The following ZFPM2 variants were observed in gnomAD, a reference collection of about 807,000 sequenced individuals.
The protein encoded by ZFPM2 is zinc finger protein, FOG family member 2.
Under a neutral mutation model 98.6 loss-of-function variants are expected in ZFPM2, and 20 were observed. The observed-to-expected ratio is 0.20, with a 90% CI of 0.14 to 0.29. ZFPM2 has a LOEUF of 0.29. Among genes scored for constraint, ZFPM2 ranks in the 10% least tolerant of loss-of-function variants. The pLI is 1.00. For missense variants in ZFPM2, 1,310 were observed against 1,388.6 expected (o/e 0.94, Z 0.90); for synonymous variants, 518 against 502.7 (o/e 1.03, Z -0.41).
At chr8:105,710,854 TA>T (rs1331900934) in intron 5 of ZFPM2, among the ~76,000 whole-genome samples, 2 of 152,152 alleles carry the variant, frequency 1.3e-5, no homozygotes, top group African/African-American at 4.8e-5. Context: ...GTGGTTCTAA[TA>T]ATAGTAACTT....
At chr8:105,778,483 TGCATGC>T in intron 5 of ZFPM2, among the ~76,000 whole-genome samples, 1 of 149,116 alleles carries the variant, frequency 6.7e-6, no homozygotes, top group South Asian at 2.1e-4. Context: ...TGTGTCTGAG[TGCATGC>T]GTGTGTGTGT....
intron 3 of ZFPM2, among the ~76,000 whole-genome samples, chr8:105,514,153 C>A (rs1194280120): frequency 1.3e-5 from 2 of 151,908 alleles, no homozygotes; most frequent in African/African-American, 2.4e-5. Context: ...CAGGTCCCCA[C>A]CATCACACGC....
chr8:105,665,931 A>C (rs971717428), intron 5 of ZFPM2, among the ~76,000 whole-genome samples: 6 of 152,246 alleles, frequency 3.9e-5, no homozygotes, highest in African/African-American at 1.4e-4. Context: ...AAATTTGTAC[A>C]TATACACAAC....
At chr8:105,384,981 T>A (rs1810955150) in intron 1 of ZFPM2, among the ~76,000 whole-genome samples, 1 of 152,004 alleles carries the variant, frequency 6.6e-6, no homozygotes, top group Admixed American at 6.6e-5. Flanking sequence ...TATGAGAGAG[T>A]TATTGTCATT....
At chr8:105,764,287 GACACAC>G (rs59943408) in intron 5 of ZFPM2, among the ~76,000 whole-genome samples, 24,503 of 139,470 alleles carry the variant, frequency 0.18, 3,335 homozygotes, top group African/African-American at 0.38. Context: ...CTCTCTCTCT[GACACAC>G]ACACACACAC....
chr8:105,348,773 T>C (rs1812586841), intron 1 of ZFPM2, among the ~76,000 whole-genome samples: 3 of 152,142 alleles, frequency 2.0e-5, no homozygotes, highest in Admixed American at 2.0e-4. Flanking sequence ...AAGTCAACAT[T>C]CCCTTTTGTA....
chr8:105,718,000 A>G (rs765024711), intron 5 of ZFPM2, among the ~76,000 whole-genome samples: 1 of 151,862 alleles, frequency 6.6e-6, no homozygotes, highest in South Asian at 2.1e-4. Flanking sequence ...GGTCTTTAAC[A>G]GTAAGATACT....
At chr8:105,353,206 G>A (rs1812681270) in intron 1 of ZFPM2, among the ~76,000 whole-genome samples, 1 of 151,912 alleles carries the variant, frequency 6.6e-6, no homozygotes, top group African/African-American at 2.4e-5. Flanking sequence ...CTTCCCTAAT[G>A]CTTCTGAAGG....
At chr8:105,754,336 GTTTTACAAAGAATT>G (rs2131059014) in intron 5 of ZFPM2, among the ~76,000 whole-genome samples, 1 of 152,242 alleles carries the variant, frequency 6.6e-6, no homozygotes, top group East Asian at 1.9e-4. Context: ...TATTCAACTA[GTTTTACAAAGAATT>G]TTTTATGTCC....
chr8:105,500,212 C>T (rs1436464635), intron 3 of ZFPM2, among the ~76,000 whole-genome samples: 2 of 152,130 alleles, frequency 1.3e-5, no homozygotes, highest in Non-Finnish European at 2.9e-5. Flanking sequence ...GAACCCAATA[C>T]ATAGCATATT....
chr8:105,581,330 G>A (rs7013321), intron 4 of ZFPM2, among the ~76,000 whole-genome samples: 77,106 of 152,004 alleles, frequency 0.51, 20,260 homozygotes, highest in African/African-American at 0.65. Flanking sequence ...AATGTGATAC[G>A]TGGGTCCTAA....
intron 1 of ZFPM2, among the ~76,000 whole-genome samples, chr8:105,403,516 A>G (rs770574228): frequency 1.3e-5 from 2 of 152,212 alleles, no homozygotes; most frequent in East Asian, 3.9e-4. Flanking sequence ...TACGGAAAAC[A>G]TGAAGTAGAT....
In ZFPM2 at chr8:105,708,691, G is replaced by A. The variant is rs181478565; in HGVS notation, c.532+74334G>A. 6.6e-5 allele frequency among the ~76,000 whole-genome samples: 10 copies of A among 152,234 alleles called. No homozygotes were observed. The East Asian group carries it at 7.7e-4, about 12-fold the overall frequency. ...ACTCCTGGGCTCAAGCGGTCCACCC[G>A]CCTCGGCCTTCCATAGTGCTGGGAT... On this transcript the variant is annotated intron_variant, in intron 5 of 7. Transcript: ENST00000407775.
chr8:105,586,032 T>TGG (rs1815707840), intron 4 of ZFPM2, among the ~76,000 whole-genome samples: 1 of 148,074 alleles, frequency 6.8e-6, no homozygotes, highest in Non-Finnish European at 1.5e-5. Flanking sequence ...TGTGTGTGTG[T>TGG]GTGTGTGTAT....
intron 5 of ZFPM2, among the ~76,000 whole-genome samples, chr8:105,643,937 A>G (rs900840604): frequency 2.6e-5 from 4 of 152,194 alleles, no homozygotes; most frequent in African/African-American, 7.2e-5. Flanking sequence ...TTTTACTGGA[A>G]CACAGCCACA....
At chr8:105,582,520 G>A (rs999179499) in intron 4 of ZFPM2, among the ~76,000 whole-genome samples, 1 of 152,204 alleles carries the variant, frequency 6.6e-6, no homozygotes, top group African/African-American at 2.4e-5. Flanking sequence ...AAGCTTAATA[G>A]TGCCAATGTG....
intron 1 of ZFPM2, among the ~76,000 whole-genome samples, chr8:105,334,405 A>C (rs1387135041): frequency 6.6e-6 from 1 of 151,668 alleles, no homozygotes; most frequent in East Asian, 1.9e-4. Flanking sequence ...TTATATGAGA[A>C]TATACCAAAA....
chr8:105,348,565 G>T (rs1186776048), intron 1 of ZFPM2, among the ~76,000 whole-genome samples: 2 of 152,152 alleles, frequency 1.3e-5, no homozygotes, highest in African/African-American at 4.8e-5. Context: ...TATAAGAAAT[G>T]TAAAGAAGAA....
intron 1 of ZFPM2, among the ~76,000 whole-genome samples, chr8:105,360,538 A>T (rs1812837082): frequency 6.6e-6 from 1 of 152,070 alleles, no homozygotes; most frequent in Non-Finnish European, 1.5e-5. Flanking sequence ...TTAGTTACGT[A>T]TGTATACGTG....
Sources: allele counts gnomAD v4.1 joint callset (sites outside exome capture counted in the v4.1 genomes callset), GRCh38; gene constraint gnomAD v4.1.1; transcripts MANE v1.5; gene names NCBI Gene and HGNC (gene_info 2026-07-23, HGNC 2026-07-21).